Variants in VAT1L observed in about 807,000 individuals in gnomAD.
The protein encoded by VAT1L is putative NADPH-dependent quinone oxidoreductase VAT1L.
In VAT1L, 34 loss-of-function variants were observed where a neutral mutation model predicts 44.1. The ratio of observed to expected loss-of-function variants is 0.77; its 90% CI spans 0.59 to 1.03. The LOEUF (loss-of-function observed/expected upper bound fraction) is 1.03, where lower values mean the gene tolerates loss of function less well. Among genes scored for constraint, VAT1L ranks in the 50% least tolerant of loss-of-function variants. The probability of loss-of-function intolerance (pLI) is 0.00; values close to 1 mark genes in which losing one functional copy is unlikely to be tolerated. For synonymous variants in VAT1L, 253 were observed against 202.2 expected, an observed-to-expected ratio of 1.25 and a Z score of -2.13; for missense variants, 615 against 538.8, an observed-to-expected ratio of 1.14 and a Z score of -1.40.
chr16:77,975,573 C>T (rs1202492985), intron 8 of VAT1L, among the ~76,000 whole-genome samples: 1 of 152,170 alleles, frequency 6.6e-6, no homozygotes, highest in Non-Finnish European at 1.5e-5. Context: ...GCAGGACACA[C>T]ACTGCTCCTC....
At chr16:77,925,233 G>A (rs1222865997) in intron 7 of VAT1L, among the ~76,000 whole-genome samples, 1 of 152,084 alleles carries the variant, frequency 6.6e-6, no homozygotes, top group Non-Finnish European at 1.5e-5. Context: ...CCTGGAGAGT[G>A]AGGGCCTCCT....
intron 4 of VAT1L, among the ~76,000 whole-genome samples, chr16:77,863,645 G>T (rs531717357): frequency 6.6e-6 from 1 of 152,312 alleles, no homozygotes; most frequent in South Asian, 2.1e-4. Flanking sequence ...TCGTGTGCAT[G>T]CATACTGAGG....
intron 7 of VAT1L, among the ~76,000 whole-genome samples, chr16:77,901,612 T>C (rs1186154582): frequency 6.6e-6 from 1 of 152,174 alleles, no homozygotes; most frequent in South Asian, 2.1e-4. Flanking sequence ...CATTTCTCTT[T>C]AGGCACAATG....
At position 77,877,512 on chromosome 16, in the gene VAT1L, C is replaced by CAAAAAA. The variant is rs55704400; in HGVS notation, c.826+1065_826+1070dup. The stretch of plus-strand genomic sequence containing the variant: ...TGGGCGACAGAGCGGGACTCTGTCT[C>CAAAAAA]AAAAAAAAAAAAAAAAAAAAAAAAA... On this transcript the variant is annotated intron_variant, in intron 5 of 8. Transcript: ENST00000302536. 1.3e-3 allele frequency among the ~76,000 whole-genome samples: 114 copies of CAAAAAA among 86,796 alleles called. 2 individuals carry two copies. Among genetic ancestry groups the CAAAAAA allele is most frequent in the African/African-American group, 1.9e-3 (47 of 24,736 alleles). The allele number at this position is 86,796 out of a possible 152,430, so 56.9% of individuals were successfully genotyped here. A position where few individuals can be genotyped will look rare whatever the true frequency, so the allele number is the denominator to read the frequency against.
At chr16:77,847,630 C>G (rs372652844) in intron 3 of VAT1L, among the ~76,000 whole-genome samples, 1 of 152,112 alleles carries the variant, frequency 6.6e-6, no homozygotes, top group Non-Finnish European at 1.5e-5. Context: ...GGAAGATCAC[C>G]CTTTCACTGG....
intron 7 of VAT1L, among the ~76,000 whole-genome samples, chr16:77,963,779 A>C (rs1158748215): frequency 6.6e-6 from 1 of 151,932 alleles, no homozygotes; most frequent in East Asian, 2.0e-4. Flanking sequence ...TTTGGTAAAC[A>C]GGGGAATATT....
intron 5 of VAT1L, 68 bp downstream of exon 5, chr16:77,876,541 T>C: frequency 1.4e-6 from 2 of 1,402,656 alleles, no homozygotes; most frequent in Non-Finnish European, 2.0e-6. Flanking sequence ...CTGCAAAGGC[T>C]CTGAAAAGTG....
At chr16:77,874,320 T>C (rs2017064791) in intron 4 of VAT1L, among the ~76,000 whole-genome samples, 1 of 151,962 alleles carries the variant, frequency 6.6e-6, no homozygotes, top group African/African-American at 2.4e-5. Flanking sequence ...GTGAGCAAAC[T>C]TAGCAGAAAA....
At chr16:77,935,472 C>T (rs180961672) in intron 7 of VAT1L, among the ~76,000 whole-genome samples, 35 of 149,648 alleles carry the variant, frequency 2.3e-4, no homozygotes, top group African/African-American at 8.4e-4. Flanking sequence ...TCAGTATTTC[C>T]TCCACTCCCC....
chr16:77,967,888 G>C (rs183436697), intron 7 of VAT1L, among the ~76,000 whole-genome samples: 14 of 152,286 alleles, frequency 9.2e-5, no homozygotes, highest in Non-Finnish European at 1.5e-5. Flanking sequence ...GTCAAACAAA[G>C]CAGTACGGAC....
intron 4 of VAT1L, among the ~76,000 whole-genome samples, chr16:77,874,149 G>C (rs1242483514): frequency 2.6e-5 from 4 of 152,148 alleles, no homozygotes; most frequent in East Asian, 3.9e-4. Flanking sequence ...GGGTACAGCA[G>C]GAGGTATGCA....
intron 3 of VAT1L, among the ~76,000 whole-genome samples, chr16:77,837,638 A>T (rs2016654010): frequency 6.6e-6 from 1 of 152,308 alleles, no homozygotes; most frequent in South Asian, 2.1e-4. Flanking sequence ...TAAAAATGGT[A>T]TGAAACTTAA....
At chr16:77,908,056 T>C (rs1034885108) in intron 7 of VAT1L, among the ~76,000 whole-genome samples, 3 of 151,700 alleles carry the variant, frequency 2.0e-5, no homozygotes, top group Non-Finnish European at 2.9e-5. Flanking sequence ...CTGGCTAACA[T>C]GGTGAAACCC....
intron 3 of VAT1L, among the ~76,000 whole-genome samples, chr16:77,850,141 G>T (rs916529681): frequency 6.6e-6 from 1 of 152,198 alleles, no homozygotes; most frequent in Non-Finnish European, 1.5e-5. Context: ...AGGCACTGCT[G>T]CATGCTGGTG....
At chr16:77,795,693 A>G (rs1295208739) in intron 1 of VAT1L, among the ~76,000 whole-genome samples, 1 of 152,138 alleles carries the variant, frequency 6.6e-6, no homozygotes, top group African/African-American at 2.4e-5. Context: ...GACGGGGAGG[A>G]AGCTGCCTAT....
At chr16:77,946,746 C>G (rs968496132) in intron 7 of VAT1L, among the ~76,000 whole-genome samples, 6 of 152,166 alleles carry the variant, frequency 3.9e-5, no homozygotes, top group African/African-American at 1.4e-4. Flanking sequence ...CCCAACTTAC[C>G]AAACTCTTGG....
At chr16:77,813,311 A>T (rs1052428506) in intron 1 of VAT1L, among the ~76,000 whole-genome samples, 3 of 152,204 alleles carry the variant, frequency 2.0e-5, no homozygotes, top group African/African-American at 7.2e-5. Flanking sequence ...AAGAAAAAAA[A>T]GTAGAGTCAA....
At chr16:77,919,850 G>A (rs924108181) in intron 7 of VAT1L, among the ~76,000 whole-genome samples, 2 of 152,172 alleles carry the variant, frequency 1.3e-5, no homozygotes, top group Admixed American at 1.3e-4. Flanking sequence ...CACTTTGGGA[G>A]GCCAAGGGAG....
chr16:77,918,155 G>C (rs1420452979), intron 7 of VAT1L, among the ~76,000 whole-genome samples: 1 of 152,208 alleles, frequency 6.6e-6, no homozygotes, highest in Non-Finnish European at 1.5e-5. Flanking sequence ...ATTGGCTCAA[G>C]AAACTGGAAG....
Sources: allele counts gnomAD v4.1 joint callset (sites outside exome capture counted in the v4.1 genomes callset), GRCh38; gene constraint gnomAD v4.1.1; transcripts MANE v1.5; gene names NCBI Gene and HGNC (gene_info 2026-07-23, HGNC 2026-07-21).